Variants in F7 observed in about 807,000 individuals in gnomAD.
F7 encodes the protein coagulation factor VII.
A neutral mutation model predicts 47.5 loss-of-function variants in F7; 38 were observed. The observed-to-expected ratio is 0.80, with a 90% CI of 0.62 to 1.05. The LOEUF is 1.05. Among genes scored for constraint, F7 ranks in the 50% least tolerant of loss-of-function variants. The probability of loss-of-function intolerance (pLI) is 0.00; values close to 1 mark genes in which losing one functional copy is unlikely to be tolerated. For synonymous variants in F7, 244 were observed against 258.5 expected (o/e 0.94, Z 0.54); for missense variants, 575 against 605.4 (o/e 0.95, Z 0.53).
Position 113,113,795 on chromosome 13 carries a change from C to T in F7, c.250+19C>T, listed in dbSNP as rs754398895. The T allele has an allele frequency of 1.5e-5, 24 of 1,614,196 alleles. No individual in the cohort carries two copies. The highest frequency in any genetic ancestry group is 3.3e-5 in the Admixed American group (2 of 60,030). On this transcript the variant is annotated intron_variant, in intron 3 of 7. Transcript: ENST00000346342. The surrounding 1 kb of genome is among the most constrained non-coding windows in gnomAD (Gnocchi z 4.1). ...TACAGTGGTGAGTGGATGATCACCA[C>T]CAGTCCTGCCTGCAACCCTTCTCAG...
chr13:113,119,476 AATGCACACACACAGAGAT>A lies in F7; in HGVS notation c.*481_*498del. ...ACATGGATGCACACACACACACGCC[AATGCACACACACAGAGAT>A]ATGCACACACACGGATGCACACACA... is the stretch of plus-strand genomic sequence containing the variant. On this transcript the variant is annotated 3_prime_UTR_variant, in exon 8 of 8. Transcript: ENST00000346342. 1 of 205,176 alleles carries A rather than the reference AATGCACACACACAGAGAT, an allele frequency of 4.9e-6. No individual in the cohort carries two copies. Among genetic ancestry groups the A allele is most frequent in the Non-Finnish European group, 9.9e-6 (1 of 100,754 alleles). The allele number at this position is 205,176 out of a possible 1,614,324, so 12.7% of individuals were successfully genotyped here.
In F7 at chr13:113,116,756, T is replaced by C. The variant is rs1216533465; in HGVS notation, c.506-10T>C. ...AATCTCTGCATCTTTCTGACTTTTG[T>C]TTTACACAGTTGAATATCCATGTGG... On this transcript the variant is annotated splice_polypyrimidine_tract_variant and intron_variant, in intron 5 of 7. Transcript: ENST00000346342. 1.9e-6 allele frequency: 3 copies of C among 1,592,714 alleles called. No individual in the cohort carries two copies. The highest frequency in any genetic ancestry group is 2.6e-6 in the Non-Finnish European group (3 of 1,160,694).
chr13:113,105,897 T>C lies in F7; in HGVS notation c.56T>C (p.Leu19Pro), dbSNP rs779250171. Residue 19 changes from leucine (L) to proline (P), a missense_variant, in exon 1 of 8, where the codon CTG (leucine) becomes CCG (proline). Physicochemically the swap from Leu to Pro is moderately conservative, Grantham distance 98. Coordinates refer to ENST00000346342, the MANE Select transcript of F7 (RefSeq NM_019616.4). Reference sequence around the variant, plus strand: ...CTTCTGCTTGGGCTTCAGGGCTGCCTGGCTGCAGGTGCGTCCGGGGAGGTT... The same window carrying C: ...CTTCTGCTTGGGCTTCAGGGCTGCCCGGCTGCAGGTGCGTCCGGGGAGGTT... ...LCLLLGLQGC[L>P]AAVFVTQEEA... 8 of 1,588,230 alleles carry C rather than the reference T, an allele frequency of 5.0e-6. No individual in the cohort carries two copies. Among genetic ancestry groups the C allele is most frequent in the Admixed American group, 1.8e-5 (1 of 56,312 alleles).
chr13:113,110,233 G>A (rs775994336), intron 1 of F7: 1 of 171,832 alleles, frequency 5.8e-6, no homozygotes, highest in African/African-American at 2.4e-5. Flanking sequence ...GGGGAAGGCG[G>A]ATCTGGCCGC....
intron 1 of F7, among the ~76,000 whole-genome samples, chr13:113,106,679 GGGATGGCGAGT>G (rs2035966493): frequency 7.7e-6 from 1 of 129,866 alleles, no homozygotes; most frequent in Non-Finnish European, 1.7e-5. Flanking sequence ...GTGGGGCATG[GGGATGGCGAGT>G]AGGGGGTGTG....
intron 1 of F7, among the ~76,000 whole-genome samples, chr13:113,109,131 CGTGGGTGTCCCGGGAGT>C (rs2036037477): frequency 5.0e-5 from 3 of 60,042 alleles, no homozygotes; most frequent in Non-Finnish European, 1.1e-4. Context: ...GTCCCGGGGG[CGTGGGTGTCCCGGGAGT>C]GTGGGTGTCC....
At chr13:113,108,739 G>A (rs1193582990) in intron 1 of F7, among the ~76,000 whole-genome samples, 1 of 118,954 alleles carries the variant, frequency 8.4e-6, no homozygotes, top group South Asian at 3.3e-4. Flanking sequence ...TGTCCCGGGA[G>A]TGTGGGTGTT....
intron 2 of F7, among the ~76,000 whole-genome samples, chr13:113,111,946 G>A (rs891501335): frequency 1.4e-5 from 2 of 144,296 alleles, no homozygotes; most frequent in African/African-American, 5.2e-5. Context: ...CACACCCACA[G>A]GACACCTCAC....
chr13:113,116,863 G>A lies in F7; in HGVS notation c.603G>A (p.Glu201=). The A allele has an allele frequency of 1.2e-6, 2 of 1,613,436 alleles. No individual in the cohort carries two copies. The highest frequency in any genetic ancestry group is 8.5e-7 in the Non-Finnish European group (1 of 1,179,726). ...IVGGKVCPKG[E]CPWQVLLLVN... ...GGGGCAAGGTGTGCCCCAAAGGGGA[G>A]TGTCCATGGCAGGTAAGGCTTCCCC... is the stretch of plus-strand genomic sequence containing the variant. The change falls in exon 6 of 8, where the codon GAG becomes GAA. Residue 201 remains glutamate (E), a synonymous_variant. Coordinates refer to ENST00000346342, the MANE Select transcript of F7 (RefSeq NM_019616.4).
chr13:113,109,779 C>T (rs1444184963), intron 1 of F7, among the ~76,000 whole-genome samples: 1 of 152,144 alleles, frequency 6.6e-6, no homozygotes, highest in African/African-American at 2.4e-5. Context: ...GCAGCACGGC[C>T]GCCCCGGGGC....
rs778174347 is a variant in F7 at position 113,115,747 on chromosome 13, G to A, written c.452G>A (p.Arg151Gln). The change falls in exon 5 of 8, where the codon CGG (arginine) becomes CAG (glutamine). Residue 151 changes from arginine to glutamine, a missense_variant. Physicochemically the swap from Arg to Gln is conservative, Grantham distance 43 (BLOSUM62 1). Coordinates refer to ENST00000346342, the MANE Select transcript of F7 (RefSeq NM_019616.4). ...SDHTGTKRSC[R>Q]CHEGYSLLAD... ...CACACGGGCACCAAGCGCTCCTGTC[G>A]GTGCCACGAGGGGTACTCTCTGCTG... 11 of 1,613,066 alleles carry A rather than the reference G, an allele frequency of 6.8e-6. No individual in the cohort carries two copies. The highest frequency in any genetic ancestry group is 1.7e-5 in the Admixed American group (1 of 59,992).
chr13:113,117,787 T>TGCC (rs2036223129), intron 7 of F7, among the ~76,000 whole-genome samples, 191 bp downstream of exon 7: 1 of 151,846 alleles, frequency 6.6e-6, no homozygotes, highest in Non-Finnish European at 1.5e-5. Context: ...GCTGGGTGGG[T>TGCC]ACCACTCTCC....
At position 113,118,814 on chromosome 13, in the gene F7, G is replaced by A. The variant is rs773186886; in HGVS notation, c.1141G>A (p.Asp381Asn). Reference protein sequence around the residue: ...SDGSKDSCKGDSGGPHATHYR... With the variant: ...SDGSKDSCKGNSGGPHATHYR... ...TGGCAGCAAGGACTCCTGCAAGGGGGACAGTGGAGGCCCACATGCCACCCA... is the reference window on the plus strand; with the variant it reads ...TGGCAGCAAGGACTCCTGCAAGGGGAACAGTGGAGGCCCACATGCCACCCA... Residue 381 changes from aspartate to asparagine, a missense_variant, in exon 8 of 8, where the codon GAC (aspartate) becomes AAC (asparagine). Asp to Asn is a conservative substitution (Grantham distance 23, BLOSUM62 1). Transcript: ENST00000346342. 6.2e-7 allele frequency: 1 copy of A among 1,613,018 alleles called. No individual in the cohort carries two copies. Among genetic ancestry groups the A allele is most frequent in the Non-Finnish European group, 8.5e-7 (1 of 1,180,000 alleles).
At chr13:113,110,020 CG>C (rs1490118742) in intron 1 of F7, among the ~76,000 whole-genome samples, 1 of 152,146 alleles carries the variant, frequency 6.6e-6, no homozygotes, top group Admixed American at 6.5e-5. Context: ...GGAGCTGCGG[CG>C]GGGGGCTGTG....
rs2036236459 is a variant in F7 at position 113,118,467 on chromosome 13, A to T, written c.794A>T (p.Gln265Leu). ...DGDEQSRRVA[Q>L]VIIPSTYVPG... is the part of the protein sequence containing the mutation. ...GATGAGCAGAGCCGGCGGGTGGCGCAGGTCATCATCCCCAGCACGTACGTC... is the reference window on the plus strand; with the variant it reads ...GATGAGCAGAGCCGGCGGGTGGCGCTGGTCATCATCCCCAGCACGTACGTC... The change falls in exon 8 of 8, where the codon CAG becomes CTG. Residue 265 changes from glutamine (Q) to leucine (L), a missense_variant. Transcript: ENST00000346342. 1 of 1,607,538 alleles carries T rather than the reference A, an allele frequency of 6.2e-7. No individual in the cohort carries two copies. The highest frequency in any genetic ancestry group is 8.5e-7 in the Non-Finnish European group (1 of 1,178,462).
At position 113,116,829 on chromosome 13, in the gene F7, G is replaced by A. The variant is rs868044209; in HGVS notation, c.569G>A (p.Arg190Gln). 5.0e-6 allele frequency: 8 copies of A among 1,613,738 alleles called. No homozygotes were observed. The highest frequency in any genetic ancestry group is 2.7e-5 in the African/African-American group (2 of 74,960). ...AGAAATGCCAGCAAACCCCAAGGCC[G>A]AATTGTGGGGGGCAAGGTGTGCCCC... is the stretch of plus-strand genomic sequence containing the variant. The part of the protein sequence containing the change: ...EKRNASKPQG[R>Q]IVGGKVCPKG... Residue 190 changes from arginine (R) to glutamine (Q), a missense_variant, in exon 6 of 8, where the codon CGA becomes CAA. By Grantham distance (43) the Arg-to-Gln change is conservative. Transcript: ENST00000346342.
rs754785708 is a variant in F7, at chr13:113,117,593, CTGGG to C, written c.739+3_739+6del. ...GAACTGGAGGAACCTGATCGCGGTGCTGGGTGGGTACCACTCTCCCCTGTCCGAC... is the reference window on the plus strand; with the variant it reads ...GAACTGGAGGAACCTGATCGCGGTGCTGGGTACCACTCTCCCCTGTCCGAC... On this transcript the variant is annotated splice_donor_variant and coding_sequence_variant, in exon 7 of 8. Coordinates refer to ENST00000346342, the MANE Select transcript of F7 (RefSeq NM_019616.4). LOFTEE classifies it high-confidence loss of function. The C allele has an allele frequency of 8.0e-5, 129 of 1,602,660 alleles. No individual in the cohort carries two copies. In the Admixed American group the frequency reaches 1.0e-3, roughly 13 times the overall value.
At chr13:113,108,796 G>T (rs1165053894) in intron 1 of F7, among the ~76,000 whole-genome samples, 39 of 92,962 alleles carry the variant, frequency 4.2e-4, no homozygotes, top group South Asian at 8.4e-4. Flanking sequence ...AGGGGTGTGG[G>T]TGTCCCGGGG....
In F7 at chr13:113,119,377, C is replaced by A; in HGVS notation, c.*369C>A. 3.3e-6 allele frequency: 1 copy of A among 307,130 alleles called. No homozygotes were observed. Among genetic ancestry groups the A allele is most frequent in the South Asian group, 4.3e-5 (1 of 23,450 alleles). The allele number at this position is 307,130 out of a possible 1,614,324, so 19.0% of individuals were successfully genotyped here. Reference sequence around the variant, plus strand: ...CCTCCTTACCTCCCTTCAGCCAAGCCCACCTGCACGTGATCTGCTGGCCTC... The same window carrying A: ...CCTCCTTACCTCCCTTCAGCCAAGCACACCTGCACGTGATCTGCTGGCCTC... On this transcript the variant is annotated 3_prime_UTR_variant, in exon 8 of 8. Transcript: ENST00000346342.
Sources: gnomAD v4.1 joint callset for allele counts (sites outside exome capture counted in the v4.1 genomes callset) on GRCh38, gnomAD v4.1.1 for gene constraint, Gnocchi (gnomAD v3.1) non-coding constraint, MANE v1.5 for transcripts, NCBI Gene and HGNC (gene_info 2026-07-23, HGNC 2026-07-21) for gene names.